Variants in ATP10B observed in about 807,000 individuals in gnomAD.
ATP10B encodes ATPase phospholipid transporting 10B (putative).
Under a neutral mutation model 141.2 loss-of-function variants are expected in ATP10B, and 122 were observed. The observed-to-expected ratio is 0.86, with a 90% CI of 0.75 to 1.00. The LOEUF (loss-of-function observed/expected upper bound fraction) is 1.00. Ranked by LOEUF, ATP10B falls within the 50% of genes least tolerant of loss-of-function variation. ATP10B has a pLI of 0.00. For missense variants in ATP10B, 1,876 were observed against 1,825.3 expected, an observed-to-expected ratio of 1.03 and a Z score of -0.51; for synonymous variants, 685 against 692.0, an observed-to-expected ratio of 0.99 and a Z score of 0.16.
chr5:160,860,047 C>T, the ATP10B span, among the ~76,000 whole-genome samples: 29 of 151,756 alleles, frequency 1.9e-4, no homozygotes, highest in Admixed American at 3.3e-4. Context: ...TATAAAACAA[C>T]GTACAAAGCC....
chr5:160,803,683 TAAAA>T (rs1475593692), intron 1 of ATP10B, among the ~76,000 whole-genome samples: 2 of 151,916 alleles, frequency 1.3e-5, no homozygotes, highest in African/African-American at 4.8e-5. Context: ...CTCAAAAAAA[TAAAA>T]TAAATAAAAA....
chr5:160,789,152 A>T (rs569398513), intron 1 of ATP10B, among the ~76,000 whole-genome samples: 3 of 152,180 alleles, frequency 2.0e-5, no homozygotes, highest in Non-Finnish European at 4.4e-5. Flanking sequence ...AGACAGGCCA[A>T]TTGATTCAAG....
chr5:160,880,823 C>T, the ATP10B span, among the ~76,000 whole-genome samples: 5 of 151,958 alleles, frequency 3.3e-5, no homozygotes, highest in Non-Finnish European at 7.4e-5. Flanking sequence ...ATATAAAATA[C>T]AAAACTATAA....
intron 22 of ATP10B, among the ~76,000 whole-genome samples, chr5:160,591,595 G>A (rs1581164717): frequency 1.3e-5 from 2 of 151,856 alleles, no homozygotes; most frequent in African/African-American, 2.4e-5. Flanking sequence ...ATCGTAGCTC[G>A]AATCACAGGT....
intron 7 of ATP10B, among the ~76,000 whole-genome samples, chr5:160,650,761 T>C (rs950451590): frequency 2.6e-5 from 4 of 152,232 alleles, no homozygotes; most frequent in African/African-American, 9.6e-5. Context: ...TTAGAAGGTA[T>C]ATAAACTCTG....
At chr5:160,647,472 A>G (rs1389424162) in intron 8 of ATP10B, among the ~76,000 whole-genome samples, 1 of 152,196 alleles carries the variant, frequency 6.6e-6, no homozygotes, top group Non-Finnish European at 1.5e-5. Context: ...GCAACTAGGA[A>G]GAGGAGGTGC....
At chr5:160,640,703 T>A in intron 9 of ATP10B, 111 bp from the exon 10 acceptor site, 1 of 1,426,970 alleles carries the variant, frequency 7.0e-7, no homozygotes, top group Non-Finnish European at 9.5e-7. Flanking sequence ...GCTTCACTCT[T>A]TAACCTGAAC....
At chr5:160,778,884 G>T (rs12188120) in intron 2 of ATP10B, among the ~76,000 whole-genome samples, 15,297 of 152,152 alleles carry the variant, frequency 0.1, 886 homozygotes, top group Middle Eastern at 0.14. Flanking sequence ...TTCCTTATTA[G>T]CTGTGCTACC....
At chr5:160,871,961 G>A in the ATP10B span, among the ~76,000 whole-genome samples, 1 of 152,078 alleles carries the variant, frequency 6.6e-6, no homozygotes, top group Non-Finnish European at 1.5e-5. Context: ...GTTATTTAAG[G>A]AATATCCCCA....
chr5:160,879,280 G>T, the ATP10B span, among the ~76,000 whole-genome samples: 1 of 57,816 alleles, frequency 1.7e-5, no homozygotes, highest in Non-Finnish European at 3.5e-5. Context: ...GTAAACTATC[G>T]CAAGAACAAA....
At chr5:160,827,670 C>A (rs1162452318) in intron 1 of ATP10B, among the ~76,000 whole-genome samples, 1 of 152,152 alleles carries the variant, frequency 6.6e-6, no homozygotes, top group African/African-American at 2.4e-5. Context: ...TTGAGAAGGG[C>A]ATTTCCTAGG....
intron 2 of ATP10B, among the ~76,000 whole-genome samples, chr5:160,739,225 T>A (rs1478342439): frequency 6.6e-6 from 1 of 152,196 alleles, no homozygotes; most frequent in Non-Finnish European, 1.5e-5. Flanking sequence ...ACTTTATATC[T>A]ATATTCGATG....
chr5:160,784,959 T>C (rs1771023999), intron 2 of ATP10B, among the ~76,000 whole-genome samples: 1 of 152,170 alleles, frequency 6.6e-6, no homozygotes, highest in Non-Finnish European at 1.5e-5. Flanking sequence ...AGTCCCATTC[T>C]TAACATCAAG....
the ATP10B span, among the ~76,000 whole-genome samples, chr5:160,902,344 C>T: frequency 6.6e-6 from 1 of 152,174 alleles, no homozygotes; most frequent in Admixed American, 6.5e-5. Context: ...GCTTGGAACC[C>T]TATTTTCTAG....
At chr5:160,619,744 C>T (rs1758217726) in intron 15 of ATP10B, among the ~76,000 whole-genome samples, 1 of 152,128 alleles carries the variant, frequency 6.6e-6, no homozygotes, top group Admixed American at 6.6e-5. Context: ...GACTTTGGAA[C>T]ATTTTTCTGG....
intron 1 of ATP10B, among the ~76,000 whole-genome samples, chr5:160,818,221 A>C (rs1159612474): frequency 1.3e-5 from 2 of 152,232 alleles, no homozygotes; most frequent in Non-Finnish European, 1.5e-5. Context: ...CAACCTACAG[A>C]ATGGGAGAAA....
chr5:160,821,565 A>G (rs1736188168), intron 1 of ATP10B, among the ~76,000 whole-genome samples: 1 of 152,106 alleles, frequency 6.6e-6, no homozygotes, highest in African/African-American at 2.4e-5. Flanking sequence ...AGCTTTTCCA[A>G]ACAAAAACAA....
intron 13 of ATP10B, among the ~76,000 whole-genome samples, chr5:160,630,521 G>T (rs1305906503): frequency 6.6e-6 from 1 of 152,164 alleles, no homozygotes; most frequent in Non-Finnish European, 1.5e-5. Flanking sequence ...GATGCCTGTG[G>T]TATCTAGAAC....
Position 160,565,213 on chromosome 5 carries a change from C to T in ATP10B, c.*240G>A. The stretch of plus-strand genomic sequence containing the variant: ...AACTCGATTCAACAAAAACAGCCTC[C>T]TTCTCCAAACTGTTTGCAAGATGTG... On this transcript the variant is annotated 3_prime_UTR_variant, in exon 26 of 26. Coordinates refer to ENST00000327245, the MANE Select transcript of ATP10B (RefSeq NM_025153.3). 1 of 540,824 alleles carries T rather than the reference C, an allele frequency of 1.8e-6. No individual in the cohort carries two copies. Among genetic ancestry groups the T allele is most frequent in the Non-Finnish European group, 3.3e-6 (1 of 304,180 alleles). The allele number at this position is 540,824 out of a possible 1,614,324, so 33.5% of individuals were successfully genotyped here.
Sources: gnomAD v4.1 joint callset for allele counts (sites outside exome capture counted in the v4.1 genomes callset) on GRCh38, gnomAD v4.1.1 for gene constraint, MANE v1.5 for transcripts, NCBI Gene and HGNC (gene_info 2026-07-23, HGNC 2026-07-21) for gene names.